The following COL4A2 variants were observed in gnomAD, a reference collection of about 807,000 sequenced individuals.
The protein encoded by COL4A2 is collagen alpha-2(IV) chain.
A neutral mutation model predicts 200.2 loss-of-function variants in COL4A2; 99 were observed. That is an observed-to-expected ratio of 0.49 (90% CI 0.42 to 0.58). COL4A2 has a LOEUF of 0.58. Among genes scored for constraint, COL4A2 ranks in the 20% least tolerant of loss-of-function variants. COL4A2 has a pLI of 0.00. For synonymous variants in COL4A2, 897 were observed against 900.6 expected (o/e 1.00, Z 0.07); for missense variants, 1,950 against 2,314.1 (o/e 0.84, Z 3.23).
At chr13:110,447,438 C>G (rs567844797) in intron 18 of COL4A2, among the ~76,000 whole-genome samples, 1 of 152,302 alleles carries the variant, frequency 6.6e-6, no homozygotes, top group Non-Finnish European at 1.5e-5. Context: ...CGCATGTCGT[C>G]ACTAATGCTC....
chr13:110,438,798 C>CA, intron 15 of COL4A2, 130 bp downstream of exon 15: 1 of 800,012 alleles, frequency 1.2e-6, no homozygotes, highest in East Asian at 2.7e-5. Context: ...CGTTATTACT[C>CA]CCCACCCCCC....
At chr13:110,451,711 T>C (rs1388835274) in intron 20 of COL4A2, among the ~76,000 whole-genome samples, 1 of 152,228 alleles carries the variant, frequency 6.6e-6, no homozygotes, top group Non-Finnish European at 1.5e-5. Context: ...TTATGGGAAC[T>C]ACAACTCAAG....
In COL4A2 at chr13:110,460,390, G is replaced by T. The variant is rs139033878; in HGVS notation, c.1596+1456G>T. On this transcript the variant is annotated intron_variant, in intron 22 of 47. Transcript: ENST00000360467. ...TTTTATCCCAGCTTAAAAAGGATGC[G>T]ATCTCTGAATCATGGCTGTCTAGCA... Among the ~76,000 whole-genome samples, 8 of 152,310 alleles carry T rather than the reference G, an allele frequency of 5.3e-5. No individual in the cohort carries two copies. In the East Asian group the frequency reaches 1.5e-3, roughly 29 times the overall value.
chr13:110,489,772 C>T lies in COL4A2; in HGVS notation c.3333C>T (p.Thr1111=), dbSNP rs772856791. Residue 1111 remains threonine (T), a synonymous_variant, in exon 36 of 48, where the codon ACC becomes ACT. Transcript: ENST00000360467. ...CAGGCCTGAAGGGGGAGCGGGGCAC[C>T]ACTGGAATACCAGGTACGCAAGTTA... is the stretch of plus-strand genomic sequence containing the variant. ...GRPGLKGERG[T]TGIPGLKGFF... is the part of the protein sequence containing the mutation. The T allele has an allele frequency of 6.2e-6, 10 of 1,610,632 alleles. No homozygotes were observed. The highest frequency in any genetic ancestry group is 8.5e-6 in the Non-Finnish European group (10 of 1,178,786).
chr13:110,335,280 C>G (rs1876126474), intron 3 of COL4A2, among the ~76,000 whole-genome samples: 1 of 152,124 alleles, frequency 6.6e-6, no homozygotes, highest in Non-Finnish European at 1.5e-5. Context: ...GGCTCTGTCC[C>G]CACTCAAATC....
At chr13:110,388,853 G>C (rs76446482) in intron 4 of COL4A2, among the ~76,000 whole-genome samples, 2 of 152,104 alleles carry the variant, frequency 1.3e-5, no homozygotes, top group Non-Finnish European at 2.9e-5. Flanking sequence ...CAGATTCCTC[G>C]TGTGATCCCA....
intron 3 of COL4A2, among the ~76,000 whole-genome samples, chr13:110,316,904 T>C (rs924927562): frequency 2.0e-5 from 3 of 152,188 alleles, no homozygotes; most frequent in African/African-American, 7.2e-5. Flanking sequence ...ATATGTATAT[T>C]ATATGTAGAA....
intron 20 of COL4A2, among the ~76,000 whole-genome samples, chr13:110,452,639 C>T (rs1199862524): frequency 1.3e-5 from 2 of 152,168 alleles, no homozygotes; most frequent in Non-Finnish European, 2.9e-5. Flanking sequence ...TCTACTTTCT[C>T]AATTTTTCTT....
Position 110,486,605 on chromosome 13 carries a change from G to A in COL4A2, c.3207+769G>A, listed in dbSNP as rs143760964. On this transcript the variant is annotated intron_variant, in intron 34 of 47. Coordinates refer to ENST00000360467, the MANE Select transcript of COL4A2 (RefSeq NM_001846.4). ...GGGCCCCTTGATGTGTTTCAGTCGC[G>A]TCCGTGTGAAAAGACCACCAAACAG... Among the ~76,000 whole-genome samples, 810 of 152,260 alleles carry A rather than the reference G, an allele frequency of 5.3e-3. 5 individuals carry two copies. The highest frequency in any genetic ancestry group is 0.018 in the African/African-American group (766 of 41,532).
intron 14 of COL4A2, 107 bp downstream of exon 14, chr13:110,438,144 T>C: frequency 1.2e-6 from 1 of 819,298 alleles, no homozygotes; most frequent in Non-Finnish European, 2.1e-6. Context: ...ACACCGCCAG[T>C]CTCTCATCCC....
intron 22 of COL4A2, chr13:110,459,253 AAC>A (rs1881919392): frequency 1.1e-5 from 3 of 271,924 alleles, no homozygotes; most frequent in African/African-American, 4.4e-5. Flanking sequence ...TGTCCACACA[AAC>A]ACACATACAC....
intron 3 of COL4A2, among the ~76,000 whole-genome samples, chr13:110,322,412 T>G (rs565941460): frequency 3.4e-4 from 51 of 148,122 alleles, no homozygotes; most frequent in African/African-American, 1.1e-3. Flanking sequence ...GTGAGCGAGG[T>G]CTGGGTTGCC....
chr13:110,502,415 C>T (rs1883678169), intron 41 of COL4A2, among the ~76,000 whole-genome samples: 1 of 152,188 alleles, frequency 6.6e-6, no homozygotes, highest in Non-Finnish European at 1.5e-5. Context: ...ATCTCCGCCT[C>T]CCGGGTTCAA....
chr13:110,452,262 T>C (rs958490287), intron 20 of COL4A2, among the ~76,000 whole-genome samples: 2 of 152,144 alleles, frequency 1.3e-5, no homozygotes, highest in African/African-American at 4.8e-5. Context: ...GCCTCCCGAG[T>C]AGCTGGGACC....
intron 23 of COL4A2, 43 bp from the exon 24 acceptor site, chr13:110,462,235 T>A (rs1415430624): frequency 1.2e-6 from 2 of 1,614,266 alleles, no homozygotes; most frequent in Non-Finnish European, 1.7e-6. Context: ...AGCCTTCCTG[T>A]GGGCACCTGC....
chr13:110,352,850 A>G (rs1483908045), intron 3 of COL4A2, among the ~76,000 whole-genome samples: 1 of 152,092 alleles, frequency 6.6e-6, no homozygotes, highest in East Asian at 1.9e-4. Context: ...CTTGGGGTGA[A>G]GGACACCCAG....
rs140646423 is a variant in COL4A2, at chr13:110,391,756, T to C, written c.181-32978T>C. ...AAGTAATCTTTAGTATCTAGTCACA[T>C]GATCATTGGTCCCCAGGTGCTCGCT... is the stretch of plus-strand genomic sequence containing the variant. On this transcript the variant is annotated intron_variant, in intron 4 of 47. Coordinates refer to ENST00000360467, the MANE Select transcript of COL4A2 (RefSeq NM_001846.4). Among the ~76,000 whole-genome samples, 73 of 152,348 alleles carry C rather than the reference T, an allele frequency of 4.8e-4. 1 individual carries two copies. Among genetic ancestry groups the C allele is most frequent in the African/African-American group, 1.7e-3 (72 of 41,590 alleles).
chr13:110,392,635 G>A (rs1414978245), intron 4 of COL4A2, among the ~76,000 whole-genome samples: 2 of 152,124 alleles, frequency 1.3e-5, no homozygotes, highest in African/African-American at 2.4e-5. Context: ...TTAGTACAAC[G>A]CCTGTCTCAT....
intron 3 of COL4A2, among the ~76,000 whole-genome samples, chr13:110,333,482 C>T (rs549451828): frequency 3.3e-5 from 5 of 152,322 alleles, no homozygotes; most frequent in South Asian, 2.1e-4. Flanking sequence ...GCTCCGTGAG[C>T]ACTGTCTTTC....
Sources: allele counts gnomAD v4.1 joint callset (sites outside exome capture counted in the v4.1 genomes callset), GRCh38; gene constraint gnomAD v4.1.1; transcripts MANE v1.5; gene names NCBI Gene and HGNC (gene_info 2026-07-23, HGNC 2026-07-21).